ST6GALNAC3: variants seen among roughly 807,000 people sequenced by gnomAD.
The protein encoded by ST6GALNAC3 is alpha-N-acetylgalactosaminide alpha-2,6-sialyltransferase 3.
A neutral mutation model predicts 32.7 loss-of-function variants in ST6GALNAC3; 25 were observed. The observed-to-expected ratio is 0.76, with a 90% CI of 0.56 to 1.07. ST6GALNAC3 has a LOEUF of 1.07. ST6GALNAC3 is among the 50% of genes least tolerant of loss of function. ST6GALNAC3 has a pLI of 0.00. For missense variants in ST6GALNAC3, 355 were observed against 382.4 expected (o/e 0.93, Z 0.60); for synonymous variants, 129 against 133.1 (o/e 0.97, Z 0.21).
intron 3 of ST6GALNAC3, among the ~76,000 whole-genome samples, chr1:76,439,452 A>G (rs1557887185): frequency 6.6e-6 from 1 of 152,226 alleles, no homozygotes. Flanking sequence ...TATGTTTTCA[A>G]TTTAGGAGTG....
chr1:76,600,640 G>A (rs1055794516), intron 3 of ST6GALNAC3, among the ~76,000 whole-genome samples: 1 of 152,164 alleles, frequency 6.6e-6, no homozygotes, highest in African/African-American at 2.4e-5. Context: ...TGTGCTGAGA[G>A]TGCATTGTGC....
At chr1:76,297,848 CTCTA>C (rs1660496260) in intron 1 of ST6GALNAC3, among the ~76,000 whole-genome samples, 1 of 151,924 alleles carries the variant, frequency 6.6e-6, no homozygotes, top group Admixed American at 6.6e-5. Context: ...AAATTTTCTT[CTCTA>C]TCTATCTGTC....
intron 3 of ST6GALNAC3, among the ~76,000 whole-genome samples, chr1:76,620,853 G>T: frequency 6.6e-6 from 1 of 152,006 alleles, no homozygotes; most frequent in East Asian, 1.9e-4. Context: ...CCTAAAGATT[G>T]CTATCATCCT....
chr1:76,532,742 T>C (rs1663337260), intron 3 of ST6GALNAC3, among the ~76,000 whole-genome samples: 1 of 152,210 alleles, frequency 6.6e-6, no homozygotes, highest in African/African-American at 2.4e-5. Flanking sequence ...CCTGGAGTTA[T>C]AAGTATCTCC....
intron 1 of ST6GALNAC3, among the ~76,000 whole-genome samples, chr1:76,200,736 G>T (rs1022120612): frequency 4.6e-5 from 7 of 152,092 alleles, no homozygotes; most frequent in African/African-American, 1.7e-4. Context: ...CTATTTAATA[G>T]ACTCTTAAAA....
At chr1:76,183,086 G>A (rs532810919) in intron 1 of ST6GALNAC3, among the ~76,000 whole-genome samples, 70 of 152,200 alleles carry the variant, frequency 4.6e-4, no homozygotes, top group African/African-American at 1.7e-3. Context: ...TTAATATATG[G>A]TTATGGAGAA....
chr1:76,108,423 C>T (rs563132516), intron 1 of ST6GALNAC3, among the ~76,000 whole-genome samples: 32 of 152,312 alleles, frequency 2.1e-4, no homozygotes, highest in African/African-American at 7.0e-4. Flanking sequence ...AGCCAGGACC[C>T]CTAGCTTGGT....
At chr1:76,132,346 G>A (rs907296890) in intron 1 of ST6GALNAC3, among the ~76,000 whole-genome samples, 2 of 152,122 alleles carry the variant, frequency 1.3e-5, no homozygotes, top group African/African-American at 4.8e-5. Flanking sequence ...CTTCCCTCCA[G>A]TGGGGAGGAG....
chr1:76,579,876 ATC>A (rs1321952347), intron 3 of ST6GALNAC3, among the ~76,000 whole-genome samples: 1 of 152,060 alleles, frequency 6.6e-6, no homozygotes, highest in African/African-American at 2.4e-5. Context: ...TATATGCTTT[ATC>A]TCTTTTTGAA....
At chr1:76,384,143 G>A (rs1651921425) in intron 2 of ST6GALNAC3, among the ~76,000 whole-genome samples, 3 of 151,980 alleles carry the variant, frequency 2.0e-5, no homozygotes, top group Admixed American at 2.0e-4. Flanking sequence ...GCTACATAAA[G>A]AGACATACTC....
intron 1 of ST6GALNAC3, among the ~76,000 whole-genome samples, chr1:76,297,951 A>G (rs1314749128): frequency 6.6e-6 from 1 of 152,010 alleles, no homozygotes; most frequent in Non-Finnish European, 1.5e-5. Flanking sequence ...CTAGGGTTGT[A>G]CAAAAACTTA....
intron 3 of ST6GALNAC3, among the ~76,000 whole-genome samples, chr1:76,552,349 A>G (rs891477241): frequency 6.6e-6 from 1 of 152,008 alleles, no homozygotes; most frequent in Non-Finnish European, 1.5e-5. Flanking sequence ...GCTGCTCCCT[A>G]CTGAATTGGA....
At chr1:76,370,597 G>A (rs1005184507) in intron 2 of ST6GALNAC3, among the ~76,000 whole-genome samples, 10 of 151,922 alleles carry the variant, frequency 6.6e-5, no homozygotes, top group African/African-American at 1.2e-4. Context: ...TCAATATGGC[G>A]ATAAACTGAA....
chr1:76,327,935 G>A (rs977733441), intron 2 of ST6GALNAC3, among the ~76,000 whole-genome samples: 1 of 152,116 alleles, frequency 6.6e-6, no homozygotes, highest in African/African-American at 2.4e-5. Flanking sequence ...ATGCAGTCAA[G>A]TTGACACATA....
chr1:76,524,893 T>G (rs1234708207), intron 3 of ST6GALNAC3, among the ~76,000 whole-genome samples: 1 of 151,874 alleles, frequency 6.6e-6, no homozygotes, highest in African/African-American at 2.4e-5. Flanking sequence ...ATAAAAAAAT[T>G]TTGTGATATA....
intron 1 of ST6GALNAC3, among the ~76,000 whole-genome samples, chr1:76,126,042 T>A (rs1426604965): frequency 1.3e-5 from 2 of 152,192 alleles, no homozygotes; most frequent in Non-Finnish European, 2.9e-5. Flanking sequence ...TCTTATTGGA[T>A]TTTCAAGACT....
chr1:76,419,993 G>T (rs1654919392), intron 3 of ST6GALNAC3, among the ~76,000 whole-genome samples: 1 of 150,056 alleles, frequency 6.7e-6, no homozygotes, highest in Non-Finnish European at 1.5e-5. Context: ...AGTTTAATAG[G>T]CAAGAAAGAA....
Position 76,603,205 on chromosome 1 carries a change from C to G in ST6GALNAC3, c.624-24247C>G, listed in dbSNP as rs553229236. On this transcript the variant is annotated intron_variant, in intron 3 of 4. Transcript: ENST00000328299. ...TGTAGTTGAACATTTGCTTACCTTT[C>G]TACCTAACAATTCTACTCCTAGATA... Among the ~76,000 whole-genome samples, 12 of 152,284 alleles carry G rather than the reference C, an allele frequency of 7.9e-5. No individual in the cohort carries two copies. In the East Asian group the frequency reaches 2.3e-3, roughly 29 times the overall value.
chr1:76,578,745 C>T (rs1047445614), intron 3 of ST6GALNAC3, among the ~76,000 whole-genome samples: 2 of 151,930 alleles, frequency 1.3e-5, no homozygotes, highest in African/African-American at 4.8e-5. Flanking sequence ...CTACCCATGC[C>T]ACCAGGATCA....
Sources: allele counts gnomAD v4.1 joint callset (sites outside exome capture counted in the v4.1 genomes callset), GRCh38; gene constraint gnomAD v4.1.1; transcripts MANE v1.5; gene names NCBI Gene and HGNC (gene_info 2026-07-23, HGNC 2026-07-21).